The following UNC79 variants were observed in gnomAD, a reference collection of about 807,000 sequenced individuals.
UNC79 encodes protein unc-79 homolog.
A neutral mutation model predicts 283.1 loss-of-function variants in UNC79; 37 were observed. That is an observed-to-expected ratio of 0.13 (90% confidence interval 0.10 to 0.17). The LOEUF is 0.17. Among genes scored for constraint, UNC79 ranks in the 10% least tolerant of loss-of-function variants. The pLI is 1.00. For missense variants in UNC79, 2,272 were observed against 3,211.1 expected (o/e 0.71, Z 7.07); for synonymous variants, 1,107 against 1,200.2 (o/e 0.92, Z 1.61).
Position 93,690,284 on chromosome 14 carries a change from G to A in UNC79, c.7253G>A (p.Gly2418Glu), listed in dbSNP as rs2074582580. ...GACCATCTTATTGTTATCCTGATTG[G>A]ATTTCCAGAGCAATCAAAGGTAAGT... Residue 2418 changes from glycine to glutamate, a missense_variant, in exon 45 of 49, where the codon GGA becomes GAA. This residue lies in a region of UNC79 where 225 missense variants were observed against 334.2 expected (regional missense o/e 0.67). Coordinates refer to ENST00000555664, the Ensembl canonical transcript of UNC79. The surrounding 1 kb of genome is among the most constrained non-coding windows in gnomAD (Gnocchi z 4.3). 1 of 1,613,638 alleles carries A rather than the reference G, an allele frequency of 6.2e-7. No homozygotes were observed. Among genetic ancestry groups the A allele is most frequent in the Non-Finnish European group, 8.5e-7 (1 of 1,179,836 alleles).
chr14:93,525,281 C>T (rs983977920), intron 8 of UNC79, among the ~76,000 whole-genome samples: 9 of 151,930 alleles, frequency 5.9e-5, no homozygotes, highest in Non-Finnish European at 1.0e-4. Flanking sequence ...CCCGTCTCTA[C>T]TAAAAGTACA....
At chr14:93,685,597 A>C (rs1251504832) in intron 42 of UNC79, among the ~76,000 whole-genome samples, 3 of 152,224 alleles carry the variant, frequency 2.0e-5, no homozygotes, top group African/African-American at 7.2e-5. Context: ...GCGCAGATTT[A>C]CATGAATATG....
At chr14:93,693,208 G>A (rs1338816768) in intron 46 of UNC79, among the ~76,000 whole-genome samples, 1 of 152,176 alleles carries the variant, frequency 6.6e-6, no homozygotes, top group Non-Finnish European at 1.5e-5. Flanking sequence ...CTTAGCGTTT[G>A]AATAGTTCTG....
At chr14:93,556,633 G>A (rs2062189645) in intron 14 of UNC79, among the ~76,000 whole-genome samples, 1 of 151,776 alleles carries the variant, frequency 6.6e-6, no homozygotes, top group Non-Finnish European at 1.5e-5. Flanking sequence ...GGGCAGTGAG[G>A]GCGTGTGTGC....
intron 32 of UNC79, among the ~76,000 whole-genome samples, chr14:93,639,467 T>C (rs1393183036): frequency 2.0e-5 from 3 of 152,236 alleles, no homozygotes; most frequent in Admixed American, 1.3e-4. Flanking sequence ...TCAGTGTACA[T>C]TTATGCTTGT....
chr14:93,663,519 T>A (rs1188078455), intron 40 of UNC79, among the ~76,000 whole-genome samples: 1 of 152,238 alleles, frequency 6.6e-6, no homozygotes, highest in Non-Finnish European at 1.5e-5. Flanking sequence ...TCCATTTCTA[T>A]AAGCCCTTTA....
At chr14:93,593,189 C>G (rs1425619606) in intron 22 of UNC79, among the ~76,000 whole-genome samples, 3 of 152,158 alleles carry the variant, frequency 2.0e-5, no homozygotes, top group Non-Finnish European at 2.9e-5. Flanking sequence ...TTGTGTTCCC[C>G]CTTATGATAG....
At chr14:93,398,931 C>G (rs2055050247) in intron 1 of UNC79, among the ~76,000 whole-genome samples, 1 of 152,036 alleles carries the variant, frequency 6.6e-6, no homozygotes, top group Non-Finnish European at 1.5e-5. Flanking sequence ...CATTCTCATG[C>G]TGCTATAAAG....
rs1331033797 is a variant in UNC79 at position 93,474,454 on chromosome 14, T to C, written c.448+61T>C. On this transcript the variant is annotated intron_variant, in intron 3 of 48. Transcript: ENST00000555664. This position sits in a 1 kb window ranked among gnomAD's most constrained non-coding sequence, Gnocchi z 4.1. Reference sequence around the variant, plus strand: ...GGATGCTTATGAATGTATATGATGCTGAGCAAGGGGCTTGGAGATGGTCAC... The same window carrying C: ...GGATGCTTATGAATGTATATGATGCCGAGCAAGGGGCTTGGAGATGGTCAC... 33 of 1,485,912 alleles carry C rather than the reference T, an allele frequency of 2.2e-5. No homozygotes were observed. In the East Asian group the frequency reaches 6.4e-4, roughly 29 times the overall value. The allele number at this position is 1,485,912 out of a possible 1,614,324, so 92.0% of individuals were successfully genotyped here. A position where few individuals can be genotyped will look rare whatever the true frequency, so the allele number is the denominator to read the frequency against.
chr14:93,682,933 G>A (rs761513966), intron 42 of UNC79, among the ~76,000 whole-genome samples: 1 of 152,178 alleles, frequency 6.6e-6, no homozygotes, highest in Non-Finnish European at 1.5e-5. Flanking sequence ...TATTAGCAAG[G>A]AGCCAGACAT....
At chr14:93,637,835 C>T (rs1368994157) in intron 32 of UNC79, among the ~76,000 whole-genome samples, 1 of 152,222 alleles carries the variant, frequency 6.6e-6, no homozygotes, top group Non-Finnish European at 1.5e-5. Context: ...CAGCATTCCT[C>T]CTCAGACATA....
At chr14:93,483,414 T>C (rs2058242550) in intron 4 of UNC79, among the ~76,000 whole-genome samples, 1 of 152,136 alleles carries the variant, frequency 6.6e-6, no homozygotes, top group Non-Finnish European at 1.5e-5. Context: ...ATTTTTAATA[T>C]TATTTAATTT....
chr14:93,666,996 C>G (rs939604324), intron 40 of UNC79, among the ~76,000 whole-genome samples: 3 of 152,042 alleles, frequency 2.0e-5, no homozygotes, highest in Middle Eastern at 3.2e-3. Context: ...CCTAGCTGCT[C>G]TGGAGGCTGA....
intron 7 of UNC79, among the ~76,000 whole-genome samples, chr14:93,517,325 C>T (rs1690334164): frequency 1.7e-5 from 2 of 116,032 alleles, no homozygotes; most frequent in African/African-American, 3.2e-5. Flanking sequence ...CTATCCTTCT[C>T]TTTTTTTTTT....
At chr14:93,385,256 G>T (rs889055602) in intron 1 of UNC79, among the ~76,000 whole-genome samples, 6 of 152,054 alleles carry the variant, frequency 3.9e-5, no homozygotes, top group Admixed American at 1.3e-4. Flanking sequence ...AGATTGCATT[G>T]GGTAGTACAG....
intron 1 of UNC79, among the ~76,000 whole-genome samples, chr14:93,350,557 G>A (rs1010268506): frequency 6.6e-6 from 1 of 152,134 alleles, no homozygotes; most frequent in Non-Finnish European, 1.5e-5. Flanking sequence ...AATTAAGTTG[G>A]TTATAATTAA....
At chr14:93,423,068 A>C (rs1390907099) in intron 1 of UNC79, among the ~76,000 whole-genome samples, 1 of 26,022 alleles carries the variant, frequency 3.8e-5, no homozygotes, top group African/African-American at 9.7e-5. Context: ...GTCTCAAAAA[A>C]AAAAAAAAAA....
chr14:93,497,303 C>T lies in UNC79; in HGVS notation c.898+17C>T. On this transcript the variant is annotated intron_variant, in intron 7 of 48. Coordinates refer to ENST00000555664, the Ensembl canonical transcript of UNC79. ...AGTACACAGGTAAGAGGAGAGGAGC[C>T]CTGTGATGCCCCATCTGTATTTCTC... 6.2e-7 allele frequency: 1 copy of T among 1,605,910 alleles called. No homozygotes were observed. Among genetic ancestry groups the T allele is most frequent in the Non-Finnish European group, 8.5e-7 (1 of 1,178,820 alleles).
chr14:93,507,325 A>G (rs572011764), intron 7 of UNC79, among the ~76,000 whole-genome samples: 1 of 152,350 alleles, frequency 6.6e-6, no homozygotes, highest in East Asian at 1.9e-4. Context: ...TAAAGTGTTT[A>G]TGCCATTTTA....
Sources: gnomAD v4.1 joint callset for allele counts (sites outside exome capture counted in the v4.1 genomes callset) on GRCh38, gnomAD v4.1.1 for gene constraint, gnomAD v4.1.1 regional missense constraint, Gnocchi (gnomAD v3.1) non-coding constraint, MANE v1.5 for transcripts, NCBI Gene and HGNC (gene_info 2026-07-23, HGNC 2026-07-21) for gene names.